The following SNED1 variants were observed in gnomAD, a reference collection of about 807,000 sequenced individuals.
SNED1 encodes the protein sushi, nidogen and EGF like domains 1, also known as sushi, nidogen and EGF-like domain-containing protein 1.
SNED1 carries 81 observed loss-of-function variants against 166.7 expected under a neutral mutation model. That is an observed-to-expected ratio of 0.49 (90% CI 0.41 to 0.58). The LOEUF (loss-of-function observed/expected upper bound fraction) is 0.58. Ranked by LOEUF, SNED1 falls within the 20% of genes least tolerant of loss-of-function variation. The pLI is 0.00. For synonymous variants in SNED1, 762 were observed against 822.0 expected (o/e 0.93, Z 1.25); for missense variants, 1,604 against 2,000.2 (o/e 0.80, Z 3.78).
chr2:241,083,937 T>C (rs575923135), intron 29 of SNED1, among the ~76,000 whole-genome samples: 20 of 152,252 alleles, frequency 1.3e-4, no homozygotes, highest in African/African-American at 4.1e-4. Context: ...CTGCTTTTTG[T>C]TCCTTTTTTC....
chr2:241,048,632 A>G (rs1179010421), intron 9 of SNED1, 30 bp from the exon 10 acceptor site: 1 of 1,577,328 alleles, frequency 6.3e-7, no homozygotes, highest in South Asian at 1.2e-5. Context: ...GCGCCCCCAC[A>G]TGGGAGGCTC....
chr2:241,072,843 G>A (rs758047193), intron 26 of SNED1: 2 of 210,324 alleles, frequency 9.5e-6, no homozygotes, highest in Non-Finnish European at 1.9e-5. Context: ...AGTTGGGGGC[G>A]AGGGCATGAG....
intron 27 of SNED1, among the ~76,000 whole-genome samples, chr2:241,077,126 A>T (rs536794904): frequency 7.0e-4 from 106 of 152,166 alleles, no homozygotes; most frequent in Non-Finnish European, 1.2e-3. Flanking sequence ...CCACACGTCA[A>T]TGGCCAACTG....
Position 241,095,387 on chromosome 2 carries a change from T to C in SNED1, c.*3751T>C, listed in dbSNP as rs1383444196. The C allele has an allele frequency of 2.0e-5, 3 of 152,880 alleles. No homozygotes were observed. Among genetic ancestry groups the C allele is most frequent in the Admixed American group, 2.0e-4 (3 of 15,308 alleles). The allele number at this position is 152,880 out of a possible 1,614,324, so 9.5% of individuals were successfully genotyped here. ...ACAAAGATAAAGAAAACTGCCAGCATTTTGCTGGCCTTAAGAAGCCATGCA... is the reference window on the plus strand; with the variant it reads ...ACAAAGATAAAGAAAACTGCCAGCACTTTGCTGGCCTTAAGAAGCCATGCA... On this transcript the variant is annotated 3_prime_UTR_variant, in exon 32 of 32. Coordinates refer to ENST00000310397, the MANE Select transcript of SNED1 (RefSeq NM_001080437.3).
chr2:241,049,956 G>A, intron 12 of SNED1, 23 bp downstream of exon 12: 1 of 1,585,772 alleles, frequency 6.3e-7, no homozygotes, highest in Non-Finnish European at 8.7e-7. Context: ...GGGGCGTCCG[G>A]GCCGGCGTCA....
At chr2:241,055,425 A>G (rs966277406) in intron 16 of SNED1, among the ~76,000 whole-genome samples, 2 of 152,240 alleles carry the variant, frequency 1.3e-5, no homozygotes, top group Non-Finnish European at 2.9e-5. Context: ...CTTGACATCA[A>G]ACTTCTCAAC....
chr2:241,064,851 C>T lies in SNED1; in HGVS notation c.2607C>T (p.Asp869=). 1 of 1,586,672 alleles carries T rather than the reference C, an allele frequency of 6.3e-7. No homozygotes were observed. The highest frequency in any genetic ancestry group is 8.5e-7 in the Non-Finnish European group (1 of 1,171,662). Residue 869 remains aspartate (D), a synonymous_variant, in exon 20 of 32, where the codon GAC becomes GAT. Transcript: ENST00000310397. The surrounding 1 kb of genome is among the most constrained non-coding windows in gnomAD (Gnocchi z 7.0). ...CACTTTTTCTCCCCTCAGTGAGTGACCCCTGCTTCTCCAGCCCCTGTGGGG... is the reference window on the plus strand; with the variant it reads ...CACTTTTTCTCCCCTCAGTGAGTGATCCCTGCTTCTCCAGCCCCTGTGGGG... ...FFGYHCETVS[D]PCFSSPCGGR...
At position 241,049,950 on chromosome 2, in the gene SNED1, C is replaced by T; in HGVS notation, c.1735+17C>T. 2 of 1,591,040 alleles carry T rather than the reference C, an allele frequency of 1.3e-6. No individual in the cohort carries two copies. Among genetic ancestry groups the T allele is most frequent in the African/African-American group, 1.3e-5 (1 of 74,510 alleles). ...GCGAGAAAGGTATGGCGGGCAGGGG[C>T]GTCCGGGCCGGCGTCAGCACCCTGG... On this transcript the variant is annotated intron_variant, in intron 12 of 31. Coordinates refer to ENST00000310397, the MANE Select transcript of SNED1 (RefSeq NM_001080437.3).
intron 1 of SNED1, among the ~76,000 whole-genome samples, chr2:241,011,876 C>G (rs1251631728): frequency 6.6e-6 from 1 of 152,228 alleles, no homozygotes; most frequent in African/African-American, 2.4e-5. Flanking sequence ...TGGCGCTGCC[C>G]TGTCCTGGCT....
Position 241,052,438 on chromosome 2 carries a change from G to A in SNED1, c.2053G>A (p.Ala685Thr). ...RDTDFFCHCQ[A>T]GYMGRRCQAE... ...CACGGATTTCTTCTGCCACTGCCAA[G>A]CAGGGTACATGGGACGCCGGTGCCA... is the stretch of plus-strand genomic sequence containing the variant. The change falls in exon 15 of 32, where the codon GCA becomes ACA. Residue 685 changes from alanine (A) to threonine (T), a missense_variant. Ala to Thr is a moderately conservative substitution (Grantham distance 58). Around this residue, in one of 2 missense-constraint regions of SNED1, gnomAD observed 1,237 missense variants for 1,620.8 expected, o/e 0.76. Coordinates refer to ENST00000310397, the MANE Select transcript of SNED1 (RefSeq NM_001080437.3). 1 of 1,609,586 alleles carries A rather than the reference G, an allele frequency of 6.2e-7. No homozygotes were observed. The highest frequency in any genetic ancestry group is 8.5e-7 in the Non-Finnish European group (1 of 1,177,842).
At chr2:241,080,174 C>G (rs1450296584) in intron 27 of SNED1, among the ~76,000 whole-genome samples, 3 of 152,068 alleles carry the variant, frequency 2.0e-5, no homozygotes, top group Non-Finnish European at 4.4e-5. Flanking sequence ...GTACCAGCTA[C>G]TCGGGAGGCT....
At position 241,093,350 on chromosome 2, in the gene SNED1, T is replaced by C. The variant is rs139518414; in HGVS notation, c.*1714T>C. ...TAGCAGATGCTAAGATCGAGTGATA[T>C]CACTGGAAAAGTAGGTGAATCCTAC... is the stretch of plus-strand genomic sequence containing the variant. On this transcript the variant is annotated 3_prime_UTR_variant, in exon 32 of 32. Transcript: ENST00000310397. 1,311 of 152,798 alleles carry C rather than the reference T, an allele frequency of 8.6e-3. 14 individuals carry two copies. Among genetic ancestry groups the C allele is most frequent in the Middle Eastern group, 0.017 (5 of 294 alleles). 9.5% of individuals were successfully genotyped at this position (152,798 alleles called of 1,614,324 possible).
rs774918073 is a variant in SNED1, at chr2:241,030,237, TG to T, written c.214-46del. The T allele has an allele frequency of 2.0e-6, 3 of 1,495,422 alleles. No homozygotes were observed. In the African/African-American group the frequency reaches 4.2e-5, roughly 21 times the overall value. The allele number at this position is 1,495,422 out of a possible 1,614,324, so 92.6% of individuals were successfully genotyped here. On this transcript the variant is annotated intron_variant, in intron 1 of 31. Coordinates refer to ENST00000310397, the MANE Select transcript of SNED1 (RefSeq NM_001080437.3). Reference sequence around the variant, plus strand: ...GGGGAGGCTGCTGGGCCCACCCGCCTGCCCACAGCCCCCAGTCAATCCCCGC... The same window carrying T: ...GGGGAGGCTGCTGGGCCCACCCGCCTCCCACAGCCCCCAGTCAATCCCCGC...
chr2:241,080,096 A>G (rs921132224), intron 27 of SNED1, among the ~76,000 whole-genome samples: 1 of 152,074 alleles, frequency 6.6e-6, no homozygotes, highest in Non-Finnish European at 1.5e-5. Flanking sequence ...TCCAGCCTGG[A>G]CAACATGGTG....
intron 29 of SNED1, among the ~76,000 whole-genome samples, chr2:241,084,668 G>T (rs1196342211): frequency 1.3e-5 from 2 of 152,150 alleles, no homozygotes; most frequent in Non-Finnish European, 2.9e-5. Flanking sequence ...TTTAGATATT[G>T]AAAGTAAAGT....
intron 1 of SNED1, among the ~76,000 whole-genome samples, chr2:241,020,826 T>TCTCCACACCC (rs2060749715): frequency 6.6e-6 from 1 of 152,086 alleles, no homozygotes; most frequent in African/African-American, 2.4e-5. Context: ...CTCCACACTG[T>TCTCCACACCC]TTCTGCAGAA....
In SNED1 at chr2:240,998,799, TG is replaced by T; in HGVS notation, c.-38del. 9.2e-7 allele frequency: 1 copy of T among 1,089,684 alleles called. No homozygotes were observed. The highest frequency in any genetic ancestry group is 1.1e-6 in the Non-Finnish European group (1 of 885,804). 67.5% of individuals were successfully genotyped at this position (1,089,684 alleles called of 1,614,324 possible). A position where few individuals can be genotyped will look rare whatever the true frequency, so the allele number is the denominator to read the frequency against. ...CGCGCAGCCTAGTCCCCCAGCGCCC[TG>T]CTCCGCCAGCGCCCCGTCCCGCCCG... is the stretch of plus-strand genomic sequence containing the variant. On this transcript the variant is annotated 5_prime_UTR_variant, in exon 1 of 32. Transcript: ENST00000310397.
intron 29 of SNED1, 104 bp downstream of exon 29, chr2:241,082,468 G>A: frequency 2.5e-6 from 2 of 792,848 alleles, no homozygotes; most frequent in Non-Finnish European, 4.2e-6. Context: ...AGGGACGATG[G>A]CTGCAGTCAC....
chr2:241,050,830 G>C (rs933245804), intron 12 of SNED1, among the ~76,000 whole-genome samples: 9 of 152,066 alleles, frequency 5.9e-5, no homozygotes, highest in South Asian at 2.1e-4. Flanking sequence ...TGTACCCAAG[G>C]TGGGGGTCCT....
Sources: gnomAD v4.1 joint callset for allele counts (sites outside exome capture counted in the v4.1 genomes callset) on GRCh38, gnomAD v4.1.1 for gene constraint, gnomAD v4.1.1 regional missense constraint, Gnocchi (gnomAD v3.1) non-coding constraint, MANE v1.5 for transcripts, NCBI Gene and HGNC (gene_info 2026-07-23, HGNC 2026-07-21) for gene names.